RBMS3: variants seen among roughly 807,000 people sequenced by gnomAD.
RBMS3 encodes the protein RNA-binding motif, single-stranded-interacting protein 3.
Under a neutral mutation model 66.8 loss-of-function variants are expected in RBMS3, and 27 were observed. The observed-to-expected ratio is 0.40, with a 90% CI of 0.30 to 0.56. The LOEUF (loss-of-function observed/expected upper bound fraction) is 0.56, where lower values mean the gene tolerates loss of function less well. Among genes scored for constraint, RBMS3 ranks in the 20% least tolerant of loss-of-function variants. The pLI is 0.40. For synonymous variants in RBMS3, 188 were observed against 183.0 expected (o/e 1.03, Z -0.22); for missense variants, 513 against 549.5 (o/e 0.93, Z 0.66).
intron 3 of RBMS3, among the ~76,000 whole-genome samples, chr3:29,533,570 G>C (rs890669235): frequency 6.6e-6 from 1 of 152,130 alleles, no homozygotes; most frequent in Admixed American, 6.5e-5. Context: ...GAGGTTAGGA[G>C]TTCAAGACCA....
chr3:29,780,847 G>C (rs2056606305), intron 6 of RBMS3, among the ~76,000 whole-genome samples: 1 of 151,910 alleles, frequency 6.6e-6, no homozygotes, highest in Admixed American at 6.6e-5. Flanking sequence ...TTGTTTAGCT[G>C]TTCTTGCTGT....
At chr3:29,674,741 A>G (rs1242674673) in intron 4 of RBMS3, among the ~76,000 whole-genome samples, 9 of 138,340 alleles carry the variant, frequency 6.5e-5, no homozygotes, top group Non-Finnish European at 9.0e-5. Context: ...CTGCTCCAAA[A>G]AAAAAAAAAA....
chr3:29,777,294 A>C (rs988097679), intron 6 of RBMS3, among the ~76,000 whole-genome samples: 1 of 151,816 alleles, frequency 6.6e-6, no homozygotes, highest in Non-Finnish European at 1.5e-5. Context: ...ATCTTATCCC[A>C]CTGGATGGCA....
intron 4 of RBMS3, among the ~76,000 whole-genome samples, chr3:29,735,135 C>T (rs1251080561): frequency 6.6e-6 from 1 of 152,116 alleles, no homozygotes; most frequent in Non-Finnish European, 1.5e-5. Flanking sequence ...AACCTTTGAT[C>T]TAGATAGGGC....
chr3:29,917,764 A>T (rs1431248166), intron 10 of RBMS3, among the ~76,000 whole-genome samples: 1 of 152,074 alleles, frequency 6.6e-6, no homozygotes, highest in Non-Finnish European at 1.5e-5. Flanking sequence ...GGGGTAAATG[A>T]AGTTATCAGT....
At chr3:29,618,625 C>A (rs966630704) in intron 4 of RBMS3, among the ~76,000 whole-genome samples, 1 of 151,918 alleles carries the variant, frequency 6.6e-6, no homozygotes, top group Non-Finnish European at 1.5e-5. Context: ...ATGAGCCTGC[C>A]TTGAAGTTCT....
At position 29,861,889 on chromosome 3, in the gene RBMS3, G is replaced by A. The variant is rs186936532; in HGVS notation, c.638-6969G>A. ...ATTATATTTTAAATACTCCCCATTT[G>A]CATCATAGACCATAATGTCTTCTAG... On this transcript the variant is annotated intron_variant, in intron 6 of 14. Coordinates refer to ENST00000383767, the MANE Select transcript of RBMS3 (RefSeq NM_001003793.3). 2.9e-4 allele frequency among the ~76,000 whole-genome samples: 44 copies of A among 152,190 alleles called. No individual in the cohort carries two copies. In the East Asian group the frequency reaches 7.9e-3, roughly 27 times the overall value.
chr3:29,282,527 G>C (rs1243603963), intron 1 of RBMS3, among the ~76,000 whole-genome samples: 3 of 152,120 alleles, frequency 2.0e-5, no homozygotes, highest in East Asian at 3.9e-4. Context: ...GCAAGCCCAC[G>C]TAAGTAAGCA....
At chr3:29,993,780 T>C (rs1297057708) in intron 14 of RBMS3, among the ~76,000 whole-genome samples, 1 of 152,210 alleles carries the variant, frequency 6.6e-6, no homozygotes, top group Admixed American at 6.5e-5. Context: ...TTCTCAGACT[T>C]TCAGACTCAA....
At chr3:29,391,051 G>A (rs1450596047) in intron 1 of RBMS3, 3 of 386,308 alleles carry the variant, frequency 7.8e-6, no homozygotes, top group Admixed American at 6.8e-5. Flanking sequence ...GGCCCTTTGT[G>A]CTGAACAGCA....
intron 4 of RBMS3, among the ~76,000 whole-genome samples, chr3:29,665,458 G>A (rs528302881): frequency 4.6e-5 from 7 of 152,080 alleles, no homozygotes; most frequent in Admixed American, 3.3e-4. Flanking sequence ...ATAATTCAGC[G>A]TTCTTTTTCC....
chr3:29,423,088 A>T (rs191906345), intron 1 of RBMS3, among the ~76,000 whole-genome samples: 5 of 152,304 alleles, frequency 3.3e-5, no homozygotes, highest in Admixed American at 3.3e-4. Context: ...GTTTGGACAG[A>T]AATAAAATTG....
intron 14 of RBMS3, among the ~76,000 whole-genome samples, chr3:29,993,560 G>C (rs1432326385): frequency 6.6e-6 from 1 of 152,122 alleles, no homozygotes; most frequent in African/African-American, 2.4e-5. Context: ...CCCCACTGTG[G>C]GAGGCTTCCA....
rs558839351 is a variant in RBMS3 at position 29,444,788 on chromosome 3, C to CTTTTTTTTTTTTTTTTT, written c.248+9881_248+9897dup. Among the ~76,000 whole-genome samples, 31 of 50,500 alleles carry CTTTTTTTTTTTTTTTTT rather than the reference C, an allele frequency of 6.1e-4. 4 individuals are homozygous for CTTTTTTTTTTTTTTTTT. Among genetic ancestry groups the CTTTTTTTTTTTTTTTTT allele is most frequent in the African/African-American group, 1.4e-3 (23 of 16,418 alleles). The allele number at this position is 50,500 out of a possible 152,430, so 33.1% of individuals were successfully genotyped here. On this transcript the variant is annotated intron_variant, in intron 2 of 14. Coordinates refer to ENST00000383767, the MANE Select transcript of RBMS3 (RefSeq NM_001003793.3). ...AATTCTTTCAAGCGGAAATATATGC[C>CTTTTTTTTTTTTTTTTT]TTTTTTTTTTTTTTTTTTTTTTTTG...
intron 12 of RBMS3, among the ~76,000 whole-genome samples, chr3:29,949,743 T>A (rs1420692727): frequency 6.6e-6 from 1 of 151,476 alleles, no homozygotes; most frequent in African/African-American, 2.4e-5. Context: ...AATATTTTTA[T>A]TTTTTATATA....
At position 29,685,349 on chromosome 3, in the gene RBMS3, C is replaced by CAGCAA. The variant is rs1232198731; in HGVS notation, c.400-54368_400-54367insAAAGC. ...GTGCTGGCATTACAGGCGCGAGCTG[C>CAGCAA]AGCGCCCAGCCCGGTAAACATTTTT... On this transcript the variant is annotated intron_variant, in intron 4 of 14. Coordinates refer to ENST00000383767, the MANE Select transcript of RBMS3 (RefSeq NM_001003793.3). Among the ~76,000 whole-genome samples the CAGCAA allele has an allele frequency of 5.3e-5, 8 of 152,348 alleles. No individual in the cohort carries two copies. The South Asian group carries it at 1.0e-3, about 20-fold the overall frequency.
intron 4 of RBMS3, among the ~76,000 whole-genome samples, chr3:29,599,273 C>T (rs564441701): frequency 5.3e-5 from 8 of 150,654 alleles, no homozygotes; most frequent in South Asian, 2.1e-4. Context: ...TAACTTGAAG[C>T]GTAAATGCTT....
At chr3:29,840,315 GAC>G (rs1179945349) in intron 6 of RBMS3, among the ~76,000 whole-genome samples, 1 of 151,858 alleles carries the variant, frequency 6.6e-6, no homozygotes, top group Non-Finnish European at 1.5e-5. Flanking sequence ...GTACTTAAAA[GAC>G]AATAAAAGCA....
chr3:29,560,930 C>G (rs1365195237), intron 3 of RBMS3, among the ~76,000 whole-genome samples: 1 of 152,148 alleles, frequency 6.6e-6, no homozygotes. Context: ...GTGTTGTTAC[C>G]ACCTATGTGT....
Sources: gnomAD v4.1 joint callset for allele counts (sites outside exome capture counted in the v4.1 genomes callset) on GRCh38, gnomAD v4.1.1 for gene constraint, MANE v1.5 for transcripts, NCBI Gene and HGNC (gene_info 2026-07-23, HGNC 2026-07-21) for gene names.